The following NEK5 variants were observed in gnomAD, a reference collection of about 807,000 sequenced individuals.
NEK5 encodes NIMA related kinase 5.
A neutral mutation model predicts 109.2 loss-of-function variants in NEK5; 88 were observed. The observed-to-expected ratio is 0.81, with a 90% CI of 0.68 to 0.96. NEK5 has a LOEUF of 0.96. Among genes scored for constraint, NEK5 ranks in the 40% least tolerant of loss-of-function variants. NEK5 has a pLI of 0.00. For synonymous variants in NEK5, 283 were observed against 299.9 expected (o/e 0.94, Z 0.58); for missense variants, 834 against 920.7 (o/e 0.91, Z 1.22).
rs189499857 is a variant in NEK5, at chr13:52,050,086, G to A, written c.2228+18C>T. The A allele has an allele frequency of 1.7e-4, 159 of 921,338 alleles. No individual in the cohort carries two copies. The highest frequency in any genetic ancestry group is 1.9e-4 in the Non-Finnish European group (145 of 771,294). 57.1% of individuals were successfully genotyped at this position (921,338 alleles called of 1,614,324 possible). A position where few individuals can be genotyped will look rare whatever the true frequency, so the allele number is the denominator to read the frequency against. On this transcript the variant is annotated intron_variant, in intron 23 of 23. Transcript: ENST00000684899. Reference sequence around the variant, plus strand: ...TGTACCAGTGCTCGACTTAGGTATCGGCAAATGATCTACTTACGTATCATC... The same window carrying A: ...TGTACCAGTGCTCGACTTAGGTATCAGCAAATGATCTACTTACGTATCATC...
At chr13:52,061,263 G>T (rs1954612109) in intron 22 of NEK5, among the ~76,000 whole-genome samples, 1 of 152,176 alleles carries the variant, frequency 6.6e-6, no homozygotes, top group Admixed American at 6.5e-5. Context: ...TGCAGCTGCT[G>T]ATCTGACAGG....
chr13:52,128,110 TGC>T (rs1956104283), intron 1 of NEK5, among the ~76,000 whole-genome samples: 1 of 152,130 alleles, frequency 6.6e-6, no homozygotes, highest in Non-Finnish European at 1.5e-5. Flanking sequence ...TACATTCCTG[TGC>T]GTGGAAAAAT....
chr13:52,110,267 T>C, intron 7 of NEK5, 73 bp downstream of exon 7: 2 of 971,448 alleles, frequency 2.1e-6, no homozygotes, highest in Admixed American at 3.9e-5. Flanking sequence ...AATATCTTCT[T>C]AATCCATGAT....
intron 16 of NEK5, among the ~76,000 whole-genome samples, chr13:52,084,926 G>A (rs907303758): frequency 2.6e-5 from 4 of 151,918 alleles, no homozygotes; most frequent in Non-Finnish European, 5.9e-5. Context: ...ATGAGCTACC[G>A]TGCCCAGCCT....
chr13:52,051,422 C>T (rs1320245412), intron 22 of NEK5, among the ~76,000 whole-genome samples: 1 of 152,164 alleles, frequency 6.6e-6, no homozygotes, highest in Non-Finnish European at 1.5e-5. Context: ...AGAAAAGGTG[C>T]CATTCATCCC....
chr13:52,056,863 C>T (rs1954560788), intron 22 of NEK5, among the ~76,000 whole-genome samples: 1 of 151,792 alleles, frequency 6.6e-6, no homozygotes, highest in Admixed American at 6.6e-5. Flanking sequence ...CCAAAATTGA[C>T]ACCCTAACAT....
rs1308878238 is a variant in NEK5 at position 52,065,497 on chromosome 13, G to C, written c.1962C>G (p.Pro654=). Residue 654 remains proline (P), a synonymous_variant, in exon 21 of 24, where the codon CCC becomes CCG. Coordinates refer to ENST00000684899, the MANE Select transcript of NEK5 (RefSeq NM_001365552.1). ...MAVADITSTC[P]TGPDNGQVIV... is the part of the protein sequence containing the mutation. ...GCACAGACTCACTGTCAGGCCCCGTGGGGCAGGTGGAGGTGATGTCGGCCA... is the reference window on the plus strand; with the variant it reads ...GCACAGACTCACTGTCAGGCCCCGTCGGGCAGGTGGAGGTGATGTCGGCCA... 2 of 1,613,870 alleles carry C rather than the reference G, an allele frequency of 1.2e-6. No homozygotes were observed. Among genetic ancestry groups the C allele is most frequent in the African/African-American group, 2.7e-5 (2 of 74,914 alleles).
chr13:52,120,079 C>T lies in NEK5; in HGVS notation c.118-664G>A, dbSNP rs1041727600. Among the ~76,000 whole-genome samples, 28 of 152,160 alleles carry T rather than the reference C, an allele frequency of 1.8e-4. 1 individual carries two copies. Among genetic ancestry groups the T allele is most frequent in the African/African-American group, 6.5e-4 (27 of 41,428 alleles). ...CCTGACTTCCAGCCCCTGACTGCCC[C>T]GCTTTTCTGATGTCCACGGGGCCTC... On this transcript the variant is annotated intron_variant, in intron 3 of 23. Coordinates refer to ENST00000684899, the MANE Select transcript of NEK5 (RefSeq NM_001365552.1).
At chr13:52,111,664 A>G (rs1340719426) in intron 5 of NEK5, among the ~76,000 whole-genome samples, 1 of 152,224 alleles carries the variant, frequency 6.6e-6, no homozygotes, top group East Asian at 1.9e-4. Flanking sequence ...GAGCTAATTC[A>G]GATTCCTCTC....
At chr13:52,118,511 G>A (rs1331747283) in intron 4 of NEK5, among the ~76,000 whole-genome samples, 1 of 152,196 alleles carries the variant, frequency 6.6e-6, no homozygotes, top group Admixed American at 6.5e-5. Flanking sequence ...TCAGTTCAGT[G>A]AATGAATGCT....
chr13:52,093,283 G>C (rs898682328), intron 12 of NEK5, 48 bp from the exon 13 acceptor site: 2 of 1,435,390 alleles, frequency 1.4e-6, no homozygotes, highest in East Asian at 2.3e-5. Context: ...ATACAGGCTG[G>C]GTGCAGTGGC....
chr13:52,091,713 G>A (rs561558613), intron 13 of NEK5, among the ~76,000 whole-genome samples: 94 of 152,046 alleles, frequency 6.2e-4, no homozygotes, highest in Non-Finnish European at 1.0e-3. Flanking sequence ...AAGTCTTCAG[G>A]CCTCTGTTAG....
chr13:52,106,107 C>T (rs1050518368), intron 8 of NEK5, among the ~76,000 whole-genome samples: 11 of 152,054 alleles, frequency 7.2e-5, no homozygotes, highest in Admixed American at 5.2e-4. Flanking sequence ...GCCTACTTTC[C>T]GTCCAACACA....
At position 52,119,330 on chromosome 13, in the gene NEK5, T is replaced by C. The variant is rs753148959; in HGVS notation, c.203A>G (p.Asn68Ser). Residue 68 changes from asparagine to serine, a missense_variant, in exon 4 of 24, where the codon AAT becomes AGT. Coordinates refer to ENST00000684899, the MANE Select transcript of NEK5 (RefSeq NM_001365552.1). ...TTAGAAAATCAAACCTTGAAATGAA[T>C]TGAAGAAGGCTACAATGTTGGGATG... ...MKHPNIVAFFNSFQENGRLFI... is the reference protein window; with the variant it reads ...MKHPNIVAFFSSFQENGRLFI... 9 of 1,573,022 alleles carry C rather than the reference T, an allele frequency of 5.7e-6. No homozygotes were observed. The highest frequency in any genetic ancestry group is 1.7e-4 in the Middle Eastern group (1 of 5,914).
intron 23 of NEK5, among the ~76,000 whole-genome samples, chr13:52,043,573 G>GA (rs201844242): frequency 2.0e-5 from 3 of 146,430 alleles, no homozygotes; most frequent in African/African-American, 7.5e-5. Context: ...AAAAAGAAAA[G>GA]AAAAAAAAGT....
chr13:52,127,895 G>C (rs540483719), intron 1 of NEK5, among the ~76,000 whole-genome samples: 33 of 152,272 alleles, frequency 2.2e-4, no homozygotes, highest in East Asian at 7.7e-4. Flanking sequence ...CACTTTTATA[G>C]TTCAGCCTTT....
chr13:52,082,007 C>T (rs1955021787), intron 17 of NEK5, among the ~76,000 whole-genome samples: 1 of 152,220 alleles, frequency 6.6e-6, no homozygotes, highest in Non-Finnish European at 1.5e-5. Context: ...CAGAGAATTA[C>T]TCTAATTATA....
At chr13:52,049,314 CT>C (rs1243006992) in intron 23 of NEK5, among the ~76,000 whole-genome samples, 1 of 151,962 alleles carries the variant, frequency 6.6e-6, no homozygotes, top group African/African-American at 2.4e-5. Context: ...GTCCCAGCTA[CT>C]TGGGAGGCTG....
intron 4 of NEK5, among the ~76,000 whole-genome samples, chr13:52,113,743 T>C (rs1013942341): frequency 1.3e-5 from 2 of 152,150 alleles, no homozygotes; most frequent in African/African-American, 4.8e-5. Context: ...CCCAAATGTA[T>C]ATGTTGAAAT....
Sources: allele counts gnomAD v4.1 joint callset (sites outside exome capture counted in the v4.1 genomes callset), GRCh38; gene constraint gnomAD v4.1.1; transcripts MANE v1.5; gene names NCBI Gene and HGNC (gene_info 2026-07-23, HGNC 2026-07-21).